RPS6KA2: variants seen among roughly 807,000 people sequenced by gnomAD.
RPS6KA2 encodes the protein ribosomal protein S6 kinase A2.
In RPS6KA2, 42 loss-of-function variants were observed where a neutral mutation model predicts 91.8. The ratio of observed to expected loss-of-function variants is 0.46; its 90% CI spans 0.36 to 0.59. The LOEUF (loss-of-function observed/expected upper bound fraction) is 0.59. RPS6KA2 is among the 20% of genes least tolerant of loss of function. RPS6KA2 has a pLI of 0.00. For synonymous variants in RPS6KA2, 414 were observed against 393.6 expected (o/e 1.05, Z -0.61); for missense variants, 798 against 978.5 (o/e 0.82, Z 2.46).
chr6:166,797,837 G>C (rs1284024897), intron 2 of RPS6KA2, among the ~76,000 whole-genome samples: 1 of 152,160 alleles, frequency 6.6e-6, no homozygotes, highest in Non-Finnish European at 1.5e-5. Flanking sequence ...AAGCACAGAG[G>C]TGATTGATAG....
At chr6:166,485,009 C>T (rs1781357886) in intron 10 of RPS6KA2, among the ~76,000 whole-genome samples, 2 of 152,202 alleles carry the variant, frequency 1.3e-5, no homozygotes, top group South Asian at 4.1e-4. Context: ...CGGGGGAAAC[C>T]TGAGGCTCGA....
At chr6:166,833,158 G>A (rs556755919) in intron 2 of RPS6KA2, among the ~76,000 whole-genome samples, 1 of 152,158 alleles carries the variant, frequency 6.6e-6, no homozygotes. Context: ...TATCCTACAC[G>A]TGATGAAACA....
Position 166,494,852 on chromosome 6 carries a change from C to T in RPS6KA2, c.747+3656G>A, listed in dbSNP as rs1781730041. ...GGACCACTCCCTCAGCACGCGGCCTCCAGGGTCTCAGCCTTCTTTTAAAAC... is the reference window on the plus strand; with the variant it reads ...GGACCACTCCCTCAGCACGCGGCCTTCAGGGTCTCAGCCTTCTTTTAAAAC... On this transcript the variant is annotated intron_variant, in intron 8 of 20. Coordinates refer to ENST00000265678, the MANE Select transcript of RPS6KA2 (RefSeq NM_021135.6). The surrounding 1 kb of genome is among the most constrained non-coding windows in gnomAD (Gnocchi z 5.1). 6.6e-6 allele frequency among the ~76,000 whole-genome samples: 1 copy of T among 152,222 alleles called. No individual in the cohort carries two copies. Among genetic ancestry groups the T allele is most frequent in the African/African-American group, 2.4e-5 (1 of 41,460 alleles).
intron 2 of RPS6KA2, among the ~76,000 whole-genome samples, chr6:166,745,147 C>T (rs9459738): frequency 0.049 from 6,016 of 123,148 alleles, 467 homozygotes; most frequent in African/African-American, 0.19. Context: ...TCCTAATCGG[C>T]CTTTTTTTTT....
intron 2 of RPS6KA2, chr6:166,771,058 AGT>A: frequency 1.6e-6 from 1 of 621,736 alleles, no homozygotes; most frequent in Non-Finnish European, 2.6e-6. Context: ...CATAATTTTA[AGT>A]AATTGGAGGA....
rs188502900 is a variant in RPS6KA2 at position 166,649,443 on chromosome 6, C to A, written c.124-110659G>T. Among the ~76,000 whole-genome samples, 300 of 152,320 alleles carry A rather than the reference C, an allele frequency of 2.0e-3. 1 individual carries two copies. The highest frequency in any genetic ancestry group is 3.2e-3 in the Non-Finnish European group (216 of 68,026). On this transcript the variant is annotated intron_variant, in intron 2 of 21. Transcript: ENST00000503859. ...CCGGGTCATCCTCCCTGTTAAATCC[C>A]ATGCTATGTATCGTAATTCCCAACA...
intron 1 of RPS6KA2, among the ~76,000 whole-genome samples, chr6:166,597,539 T>C (rs1318177207): frequency 1.3e-5 from 2 of 151,582 alleles, no homozygotes. Flanking sequence ...GGAAAAAAGG[T>C]AGGAGGATTG....
intron 12 of RPS6KA2, among the ~76,000 whole-genome samples, chr6:166,454,915 T>C (rs1471623246): frequency 6.7e-6 from 1 of 150,160 alleles, no homozygotes; most frequent in Non-Finnish European, 1.5e-5. Context: ...TACACTAAAA[T>C]AGAATACTAT....
intron 10 of RPS6KA2, chr6:166,475,883 T>C: frequency 1.9e-6 from 1 of 520,244 alleles, no homozygotes; most frequent in South Asian, 1.4e-5. Flanking sequence ...GTATTTCTGG[T>C]AGTCTGGACA....
intron 11 of RPS6KA2, among the ~76,000 whole-genome samples, chr6:166,465,631 CCTT>C (rs1222256151): frequency 6.6e-6 from 1 of 152,216 alleles, no homozygotes; most frequent in African/African-American, 2.4e-5. Context: ...CTGGAAGCAT[CCTT>C]CTTCTCCTCC....
chr6:166,574,160 TTC>T (rs1784773596), intron 1 of RPS6KA2, among the ~76,000 whole-genome samples: 1 of 152,146 alleles, frequency 6.6e-6, no homozygotes, highest in Non-Finnish European at 1.5e-5. Flanking sequence ...ATTTTTTAAA[TTC>T]TTTAAAAAAA....
chr6:166,692,598 A>T (rs1348291180), intron 2 of RPS6KA2, among the ~76,000 whole-genome samples: 1 of 152,164 alleles, frequency 6.6e-6, no homozygotes, highest in Non-Finnish European at 1.5e-5. Flanking sequence ...AAAAAAACCT[A>T]CTCTAAGCTG....
chr6:166,522,745 T>C (rs901734814), intron 3 of RPS6KA2, among the ~76,000 whole-genome samples: 3 of 152,202 alleles, frequency 2.0e-5, no homozygotes, highest in African/African-American at 7.2e-5. Context: ...GTTTAATTCA[T>C]AGTAAAAAAC....
At chr6:166,860,798 A>G (rs1781030261) in intron 1 of RPS6KA2, among the ~76,000 whole-genome samples, 1 of 152,210 alleles carries the variant, frequency 6.6e-6, no homozygotes, top group Non-Finnish European at 1.5e-5. Flanking sequence ...AATATTTAGA[A>G]AAATTGAATC....
At position 166,662,961 on chromosome 6, in the gene RPS6KA2, G is replaced by A. The variant is rs148213021; in HGVS notation, c.124-124177C>T. Among the ~76,000 whole-genome samples, 99 of 152,196 alleles carry A rather than the reference G, an allele frequency of 6.5e-4. 1 individual carries two copies. The highest frequency in any genetic ancestry group is 2.2e-3 in the African/African-American group (93 of 41,530). On this transcript the variant is annotated intron_variant, in intron 2 of 21. Coordinates refer to the RPS6KA2 transcript ENST00000503859. This position sits in a 1 kb window ranked among gnomAD's most constrained non-coding sequence, Gnocchi z 4.3. Reference sequence around the variant, plus strand: ...GGCCACGCGAGGACAGGGAGGAGGCGCCATCTGCAAGCAAGAGGAGAGCCA... The same window carrying A: ...GGCCACGCGAGGACAGGGAGGAGGCACCATCTGCAAGCAAGAGGAGAGCCA...
chr6:166,775,575 C>G (rs1778593608), intron 2 of RPS6KA2, among the ~76,000 whole-genome samples: 1 of 152,226 alleles, frequency 6.6e-6, no homozygotes. Context: ...TCCATGACCC[C>G]CGACTCTCCC....
chr6:166,856,137 G>T (rs1780896037), intron 2 of RPS6KA2, among the ~76,000 whole-genome samples: 1 of 152,094 alleles, frequency 6.6e-6, no homozygotes, highest in African/African-American at 2.4e-5. Context: ...ATGCACTTTG[G>T]GGCATAACAT....
At chr6:166,660,147 A>G (rs1215185781) in intron 2 of RPS6KA2, among the ~76,000 whole-genome samples, 1 of 152,116 alleles carries the variant, frequency 6.6e-6, no homozygotes, top group African/African-American at 2.4e-5. Context: ...CTTTTTTTCC[A>G]CTACTTTCAA....
intron 1 of RPS6KA2, among the ~76,000 whole-genome samples, chr6:166,553,147 C>T (rs1784069476): frequency 6.6e-6 from 1 of 152,226 alleles, no homozygotes; most frequent in Non-Finnish European, 1.5e-5. Flanking sequence ...GAAACAGGGT[C>T]TCACTCTGTT....
Sources: gnomAD v4.1 joint callset for allele counts (sites outside exome capture counted in the v4.1 genomes callset) on GRCh38, gnomAD v4.1.1 for gene constraint, Gnocchi (gnomAD v3.1) non-coding constraint, MANE v1.5 for transcripts, NCBI Gene and HGNC (gene_info 2026-07-23, HGNC 2026-07-21) for gene names.